ZRANB3: variants seen among roughly 807,000 people sequenced by gnomAD.
ZRANB3 encodes zinc finger RANBP2-type containing 3.
A neutral mutation model predicts 133.8 loss-of-function variants in ZRANB3; 125 were observed. The ratio of observed to expected loss-of-function variants is 0.93; its 90% CI spans 0.81 to 1.08. ZRANB3 has a LOEUF of 1.08. ZRANB3 is among the 50% of genes least tolerant of loss of function. The probability of loss-of-function intolerance (pLI) is 0.00; values close to 1 mark genes in which losing one functional copy is unlikely to be tolerated. For synonymous variants in ZRANB3, 387 were observed against 432.7 expected (o/e 0.89, Z 1.31); for missense variants, 1,229 against 1,275.5 (o/e 0.96, Z 0.56).
At chr2:135,286,137 T>C (rs1045795081) in intron 8 of ZRANB3, among the ~76,000 whole-genome samples, 1 of 152,210 alleles carries the variant, frequency 6.6e-6, no homozygotes, top group African/African-American at 2.4e-5. Flanking sequence ...ATATGTTCTT[T>C]AGGTGTGATT....
intron 8 of ZRANB3, among the ~76,000 whole-genome samples, chr2:135,284,217 C>T (rs1006404866): frequency 6.6e-6 from 1 of 152,182 alleles, no homozygotes; most frequent in African/African-American, 2.4e-5. Flanking sequence ...AGTACCTACA[C>T]CGCATAGGGT....
intron 6 of ZRANB3, among the ~76,000 whole-genome samples, chr2:135,316,452 A>T (rs552080952): frequency 6.6e-6 from 1 of 152,290 alleles, no homozygotes; most frequent in African/African-American, 2.4e-5. Flanking sequence ...ACTACCCACT[A>T]CTGAAAACAG....
At chr2:135,478,159 A>C (rs1289805701) in intron 2 of ZRANB3, among the ~76,000 whole-genome samples, 4 of 152,140 alleles carry the variant, frequency 2.6e-5, no homozygotes, top group African/African-American at 7.2e-5. Flanking sequence ...GCTTAAAAAT[A>C]TATATATACA....
At chr2:135,524,878 C>T (rs1301151932) in intron 1 of ZRANB3, among the ~76,000 whole-genome samples, 1 of 151,898 alleles carries the variant, frequency 6.6e-6, no homozygotes, top group East Asian at 1.9e-4. Flanking sequence ...AAAGATTAAT[C>T]TTTATTTTGT....
chr2:135,451,227 C>T (rs931775251), intron 2 of ZRANB3, among the ~76,000 whole-genome samples: 6 of 152,224 alleles, frequency 3.9e-5, no homozygotes, highest in Middle Eastern at 3.4e-3. Context: ...TTAAAAATTT[C>T]CAACACTAAC....
chr2:135,507,902 T>C (rs562252033), intron 1 of ZRANB3, among the ~76,000 whole-genome samples: 8 of 151,520 alleles, frequency 5.3e-5, no homozygotes, highest in Non-Finnish European at 1.2e-4. Flanking sequence ...ATCTTGTCAC[T>C]GCACTCCAGC....
At chr2:135,273,047 G>A (rs918226287) in intron 9 of ZRANB3, among the ~76,000 whole-genome samples, 3 of 151,744 alleles carry the variant, frequency 2.0e-5, no homozygotes, top group African/African-American at 7.3e-5. Flanking sequence ...TTAGCTGGAC[G>A]TGGTGGCGGG....
At chr2:135,421,729 G>C (rs1285955336) in intron 2 of ZRANB3, among the ~76,000 whole-genome samples, 1 of 151,930 alleles carries the variant, frequency 6.6e-6, no homozygotes, top group Non-Finnish European at 1.5e-5. Context: ...ATGTTTACAA[G>C]TGACCTGATC....
chr2:135,235,461 A>G (rs1157358765), intron 12 of ZRANB3, among the ~76,000 whole-genome samples: 1 of 152,206 alleles, frequency 6.6e-6, no homozygotes, highest in Non-Finnish European at 1.5e-5. Flanking sequence ...TCCTGATACC[A>G]AAGCCTGGCA....
At chr2:135,401,376 T>C (rs73956708) in intron 2 of ZRANB3, among the ~76,000 whole-genome samples, 15,974 of 152,214 alleles carry the variant, frequency 0.1, 1,103 homozygotes, top group South Asian at 0.32. Flanking sequence ...AAGATGGCTA[T>C]AGTGCTTCCA....
chr2:135,287,530 A>C (rs1461774212), intron 8 of ZRANB3, among the ~76,000 whole-genome samples: 1 of 152,130 alleles, frequency 6.6e-6, no homozygotes, highest in Non-Finnish European at 1.5e-5. Flanking sequence ...TATTTTCACA[A>C]TATTGATTCT....
chr2:135,414,219 CAG>C (rs1260449769), intron 2 of ZRANB3, among the ~76,000 whole-genome samples: 1 of 152,024 alleles, frequency 6.6e-6, no homozygotes, highest in Non-Finnish European at 1.5e-5. Context: ...ATCTCACGTG[CAG>C]AGACACACAT....
intron 8 of ZRANB3, among the ~76,000 whole-genome samples, chr2:135,293,008 T>C (rs199991187): frequency 0.062 from 9,363 of 152,092 alleles, 567 homozygotes; most frequent in African/African-American, 0.16. Context: ...CCTTGTAGTA[T>C]AGCTTGAAGT....
intron 6 of ZRANB3, among the ~76,000 whole-genome samples, chr2:135,343,841 C>T (rs1684804931): frequency 6.7e-6 from 1 of 149,992 alleles, no homozygotes; most frequent in Non-Finnish European, 1.5e-5. Flanking sequence ...TATCAGTTCA[C>T]ATTGGCAAGA....
At chr2:135,433,541 G>C (rs1689405545) in intron 2 of ZRANB3, among the ~76,000 whole-genome samples, 1 of 152,210 alleles carries the variant, frequency 6.6e-6, no homozygotes, top group Admixed American at 6.5e-5. Context: ...AAAAACACTA[G>C]ATGAATTTGA....
chr2:135,209,351 T>TA (rs994089062), intron 17 of ZRANB3, among the ~76,000 whole-genome samples: 2 of 152,226 alleles, frequency 1.3e-5, no homozygotes, highest in Non-Finnish European at 2.9e-5. Flanking sequence ...AGAAAATCTC[T>TA]AACTGTATTT....
intron 12 of ZRANB3, among the ~76,000 whole-genome samples, chr2:135,249,743 C>T (rs1441111429): frequency 2.0e-5 from 3 of 152,212 alleles, no homozygotes; most frequent in Non-Finnish European, 4.4e-5. Context: ...TCTCTTGCCG[C>T]TGCCATATAA....
At chr2:135,441,953 G>A (rs575949262) in intron 2 of ZRANB3, among the ~76,000 whole-genome samples, 7 of 152,218 alleles carry the variant, frequency 4.6e-5, no homozygotes, top group African/African-American at 7.2e-5. Context: ...AGACAAATCC[G>A]AAATGAGGGA....
intron 2 of ZRANB3, among the ~76,000 whole-genome samples, chr2:135,408,425 A>C (rs1195742753): frequency 5.9e-5 from 9 of 152,126 alleles, no homozygotes; most frequent in Admixed American, 3.3e-4. Context: ...GGCGATTCCT[A>C]AGGGATCTAC....
Sources: allele counts gnomAD v4.1 joint callset (sites outside exome capture counted in the v4.1 genomes callset), GRCh38; gene constraint gnomAD v4.1.1; transcripts MANE v1.5; gene names NCBI Gene and HGNC (gene_info 2026-07-23, HGNC 2026-07-21).